INSL3: variants seen among roughly 807,000 people sequenced by gnomAD.
INSL3 encodes insulin like 3.
INSL3 carries 6 observed loss-of-function variants against 5.5 expected under a neutral mutation model. The ratio of observed to expected loss-of-function variants is 1.08; its 90% CI spans 0.59 to 2.14. The LOEUF (loss-of-function observed/expected upper bound fraction) is 2.14, where lower values mean the gene tolerates loss of function less well. INSL3 is among the 30% of genes most tolerant of loss of function. The pLI, the probability that INSL3 is intolerant of heterozygous loss-of-function variation, is 0.00. For synonymous variants in INSL3, 86 were observed against 82.1 expected (o/e 1.05, Z -0.26); for missense variants, 178 against 184.7 (o/e 0.96, Z 0.21).
rs139002785 is a variant in INSL3, at chr19:17,819,867, A to C, written c.190+1450T>G. On this transcript the variant is annotated intron_variant, in intron 1 of 1. Transcript: ENST00000317306. ...AAAACAAAACAAAACAAAACAAAAC[A>C]AGACCAGACTGGCCAACATGGTGAA... Among the ~76,000 whole-genome samples the C allele has an allele frequency of 9.3e-3, 1,408 of 151,324 alleles. 24 individuals carry two copies. The highest frequency in any genetic ancestry group is 0.032 in the African/African-American group (1,328 of 41,256).
At position 17,821,408 on chromosome 19, in the gene INSL3, C is replaced by G. The variant is rs773818168; in HGVS notation, c.99G>C (p.Leu33Phe). The G allele has an allele frequency of 6.5e-7, 1 of 1,548,042 alleles. No individual in the cohort carries two copies. The highest frequency in any genetic ancestry group is 1.2e-5 in the South Asian group (1 of 83,938). The part of the protein sequence containing the change: ...PAPTPEMREK[L>F]CGHHFVRALV... The stretch of plus-strand genomic sequence containing the variant: ...GCGCGCGTACGAAGTGGTGGCCGCA[C>G]AACTTCTCACGCATCTCTGGGGTGG... Residue 33 changes from leucine to phenylalanine, a missense_variant, in exon 1 of 2, where the codon TTG becomes TTC. Transcript: ENST00000317306.
chr19:17,817,441 C>T (rs1468495990), intron 1 of INSL3, among the ~76,000 whole-genome samples: 92 of 142,240 alleles, frequency 6.5e-4, no homozygotes, highest in Non-Finnish European at 1.1e-3. Context: ...GCCGAGATCA[C>T]GCCACTGCAC....
At chr19:17,820,790 G>A (rs1032304853) in intron 1 of INSL3, among the ~76,000 whole-genome samples, 3 of 151,502 alleles carry the variant, frequency 2.0e-5, no homozygotes, top group Admixed American at 1.3e-4. Context: ...TGGCCCCTCA[G>A]GGGGACTCAT....
intron 1 of INSL3, among the ~76,000 whole-genome samples, chr19:17,818,568 A>G (rs1451534202): frequency 3.9e-5 from 6 of 151,904 alleles, no homozygotes; most frequent in African/African-American, 1.5e-4. Flanking sequence ...GTGACCCGAG[A>G]TCGTGCCACT....
At position 17,821,435 on chromosome 19, in the gene INSL3, C is replaced by T. The variant is rs771075889; in HGVS notation, c.72G>A (p.Ala24=). 78 of 1,544,598 alleles carry T rather than the reference C, an allele frequency of 5.0e-5. No homozygotes were observed. In the East Asian group the frequency reaches 1.9e-3, roughly 38 times the overall value. ...ACTTCTCACGCATCTCTGGGGTGGG[C>T]GCGGGGCCCAACGCGAACACCAGGG... is the stretch of plus-strand genomic sequence containing the variant. ...GPALVFALGP[A]PTPEMREKLC... Residue 24 remains alanine (A), a synonymous_variant, in exon 1 of 2, where the codon GCG becomes GCA. Transcript: ENST00000317306.
intron 1 of INSL3, among the ~76,000 whole-genome samples, chr19:17,820,819 T>C (rs915265896): frequency 1.3e-5 from 2 of 150,126 alleles, no homozygotes; most frequent in Non-Finnish European, 3.0e-5. Context: ...GACTTTCTTT[T>C]TTTTTTTTTT....
chr19:17,820,811 CTTTCTTT>C, intron 1 of INSL3, among the ~76,000 whole-genome samples: 1 of 121,978 alleles, frequency 8.2e-6, no homozygotes, highest in East Asian at 2.4e-4. Flanking sequence ...GCTCTGAGGA[CTTTCTTT>C]TTTTTTTTTT....
intron 1 of INSL3, among the ~76,000 whole-genome samples, chr19:17,818,804 A>G (rs2094191493): frequency 6.6e-6 from 1 of 152,022 alleles, no homozygotes; most frequent in Non-Finnish European, 1.5e-5. Flanking sequence ...AGGGGGCAGA[A>G]GACAGAGATG....
chr19:17,819,766 C>T (rs542889253), intron 1 of INSL3, among the ~76,000 whole-genome samples: 9 of 151,650 alleles, frequency 5.9e-5, no homozygotes, highest in East Asian at 3.9e-4. Flanking sequence ...GGCGTGAAGC[C>T]GGGAGACGGA....
chr19:17,817,088 C>A, intron 1 of INSL3, 29 bp from the exon 2 acceptor site: 2 of 1,601,450 alleles, frequency 1.2e-6, no homozygotes, highest in Non-Finnish European at 1.7e-6. Flanking sequence ...TCAGCTGGAA[C>A]GGAAACGACA....
Position 17,817,064 on chromosome 19 carries a change from G to A in INSL3, c.191-5C>T. On this transcript the variant is annotated splice_region_variant and splice_polypyrimidine_tract_variant and intron_variant, in intron 1 of 1. Transcript: ENST00000317306. ...CCAGCCACTGTAGCAACTCACCTGG[G>A]GACAGAGTGAAACTCAGCTGGAACG... The A allele has an allele frequency of 6.2e-7, 1 of 1,612,180 alleles. No individual in the cohort carries two copies. The highest frequency in any genetic ancestry group is 1.1e-5 in the South Asian group (1 of 90,974).
intron 1 of INSL3, among the ~76,000 whole-genome samples, chr19:17,820,652 T>C (rs2094194167): frequency 6.6e-6 from 1 of 152,040 alleles, no homozygotes; most frequent in African/African-American, 2.4e-5. Flanking sequence ...AGTGAGACCC[T>C]GTCTCAAAAA....
intron 1 of INSL3, among the ~76,000 whole-genome samples, chr19:17,817,484 CAAA>C (rs35282432): frequency 7.7e-5 from 6 of 78,048 alleles, no homozygotes; most frequent in Admixed American, 1.6e-4. Context: ...GACTCTGTCT[CAAA>C]AAAAAAAAAA....
chr19:17,817,795 C>CAAAAAAAAAAAAAAAA, intron 1 of INSL3, among the ~76,000 whole-genome samples: 1 of 40,316 alleles, frequency 2.5e-5, no homozygotes, highest in Non-Finnish European at 4.3e-5. Flanking sequence ...AACTCCATCT[C>CAAAAAAAAAAAAAAAA]AAAAAAAAAA....
In INSL3 at chr19:17,821,449, C is replaced by T; in HGVS notation, c.58G>A (p.Ala20Thr). 3 of 1,541,580 alleles carry T rather than the reference C, an allele frequency of 1.9e-6. No homozygotes were observed. The highest frequency in any genetic ancestry group is 2.6e-6 in the Non-Finnish European group (3 of 1,140,958). Residue 20 changes from alanine to threonine, a missense_variant, in exon 1 of 2, where the codon GCG becomes ACG. Coordinates refer to ENST00000317306, the MANE Select transcript of INSL3 (RefSeq NM_005543.4). ...LVLLGPALVFALGPAPTPEMR... is the reference protein window; with the variant it reads ...LVLLGPALVFTLGPAPTPEMR... ...TCTGGGGTGGGCGCGGGGCCCAACG[C>T]GAACACCAGGGCAGGGCCCAGCAGC...
At position 17,817,795 on chromosome 19, in the gene INSL3, C is replaced by CAAAAAAAAAAAAAAAAA; in HGVS notation, c.191-753_191-737dup. The stretch of plus-strand genomic sequence containing the variant: ...AGGTGACAAGAATGAAACTCCATCT[C>CAAAAAAAAAAAAAAAAA]AAAAAAAAAAAAAAAAAAAAAAAGC... On this transcript the variant is annotated intron_variant, in intron 1 of 1. Coordinates refer to ENST00000317306, the MANE Select transcript of INSL3 (RefSeq NM_005543.4). 5.0e-5 allele frequency among the ~76,000 whole-genome samples: 2 copies of CAAAAAAAAAAAAAAAAA among 40,316 alleles called. 1 individual carries two copies. Among genetic ancestry groups the CAAAAAAAAAAAAAAAAA allele is most frequent in the Non-Finnish European group, 8.6e-5 (2 of 23,356 alleles). The allele number at this position is 40,316 out of a possible 152,430, so 26.4% of individuals were successfully genotyped here.
chr19:17,820,727 A>T (rs1354746404), intron 1 of INSL3, among the ~76,000 whole-genome samples: 1 of 152,158 alleles, frequency 6.6e-6, no homozygotes, highest in East Asian at 1.9e-4. Context: ...ATTTTAAGAC[A>T]GGATCTCACC....
rs756992784 is a variant in INSL3, at chr19:17,821,375, G to T, written c.132C>A (p.Arg44=). The change falls in exon 1 of 2, where the codon CGC becomes CGA. Residue 44 remains arginine, a synonymous_variant. Coordinates refer to ENST00000317306, the MANE Select transcript of INSL3 (RefSeq NM_005543.4). ...TGGACCAGCGGGGGCCCCCGCACAC[G>T]CGCACTAGCGCGCGTACGAAGTGGT... is the stretch of plus-strand genomic sequence containing the variant. ...CGHHFVRALV[R]VCGGPRWSTE... is the part of the protein sequence containing the mutation. The T allele has an allele frequency of 2.1e-5, 32 of 1,548,422 alleles. No homozygotes were observed. Among genetic ancestry groups the T allele is most frequent in the Non-Finnish European group, 2.4e-5 (27 of 1,146,276 alleles).
At chr19:17,817,460 G>C (rs1430131743) in intron 1 of INSL3, among the ~76,000 whole-genome samples, 1 of 136,762 alleles carries the variant, frequency 7.3e-6, no homozygotes. Context: ...ACTCCAGCCT[G>C]GGTGACAGAG....
Sources: allele counts gnomAD v4.1 joint callset (sites outside exome capture counted in the v4.1 genomes callset), GRCh38; gene constraint gnomAD v4.1.1; transcripts MANE v1.5; gene names NCBI Gene and HGNC (gene_info 2026-07-23, HGNC 2026-07-21).